SUMF1: variants seen among roughly 807,000 people sequenced by gnomAD.
SUMF1 encodes formylglycine-generating enzyme.
A neutral mutation model predicts 47.6 loss-of-function variants in SUMF1; 48 were observed. The observed-to-expected ratio is 1.01, with a 90% confidence interval of 0.80 to 1.28. The LOEUF (loss-of-function observed/expected upper bound fraction) is 1.28, where lower values mean the gene tolerates loss of function less well. Ranked by LOEUF, SUMF1 falls within the 50% of genes most tolerant of loss-of-function variation. SUMF1 has a pLI of 0.00. For synonymous variants in SUMF1, 230 were observed against 192.1 expected (o/e 1.20, Z -1.63); for missense variants, 571 against 485.4 (o/e 1.18, Z -1.66).
intron 9 of SUMF1, among the ~76,000 whole-genome samples, chr3:4,036,859 A>T (rs1042755612): frequency 5.4e-4 from 80 of 149,274 alleles, no homozygotes; most frequent in East Asian, 3.7e-3. Context: ...CAAAAAAAAA[A>T]AAAAAAAAAA....
At chr3:4,165,490 G>C (rs1367809719) in intron 8 of SUMF1, among the ~76,000 whole-genome samples, 1 of 152,086 alleles carries the variant, frequency 6.6e-6, no homozygotes, top group Non-Finnish European at 1.5e-5. Context: ...GGAAGGCTAG[G>C]ATATGGAGGT....
At chr3:4,297,463 G>A (rs167463) in intron 8 of SUMF1, among the ~76,000 whole-genome samples, 95,868 of 151,878 alleles carry the variant, frequency 0.63, 32,404 homozygotes, top group African/African-American at 0.89. Flanking sequence ...GCTGCAGTAC[G>A]GTGGCACAAT....
chr3:4,367,409 C>G (rs534692902), intron 8 of SUMF1, among the ~76,000 whole-genome samples: 2 of 152,290 alleles, frequency 1.3e-5, no homozygotes, highest in Admixed American at 6.5e-5. Context: ...GGTTATACTG[C>G]CCAAGGTAAT....
chr3:4,091,175 A>G (rs1385958979), intron 8 of SUMF1, among the ~76,000 whole-genome samples: 1 of 151,978 alleles, frequency 6.6e-6, no homozygotes, highest in Non-Finnish European at 1.5e-5. Flanking sequence ...AATATGCCAT[A>G]GAAACTTAAC....
At chr3:4,104,400 G>GA (rs1470570106) in intron 8 of SUMF1, among the ~76,000 whole-genome samples, 1 of 151,996 alleles carries the variant, frequency 6.6e-6, no homozygotes, top group African/African-American at 2.4e-5. Flanking sequence ...CCAGCAGCAT[G>GA]AAAACAGACT....
At chr3:4,157,513 CACAATA>C (rs1694482301) in intron 8 of SUMF1, among the ~76,000 whole-genome samples, 2 of 151,444 alleles carry the variant, frequency 1.3e-5, no homozygotes, top group African/African-American at 2.4e-5. Context: ...AGTTTTATAT[CACAATA>C]TTTTACCCTC....
At chr3:4,075,087 A>G (rs1288403451) in intron 8 of SUMF1, among the ~76,000 whole-genome samples, 1 of 152,154 alleles carries the variant, frequency 6.6e-6, no homozygotes, top group Non-Finnish European at 1.5e-5. Flanking sequence ...ATCAATGTGA[A>G]AATCCTCAAT....
At chr3:4,328,437 C>A (rs1698988084) in intron 8 of SUMF1, among the ~76,000 whole-genome samples, 1 of 152,114 alleles carries the variant, frequency 6.6e-6, no homozygotes, top group South Asian at 2.1e-4. Flanking sequence ...CACAGTTCCA[C>A]ATGGCTGGGG....
intron 8 of SUMF1, among the ~76,000 whole-genome samples, chr3:4,371,313 T>A (rs1334283248): frequency 6.6e-6 from 1 of 152,176 alleles, no homozygotes; most frequent in Non-Finnish European, 1.5e-5. Flanking sequence ...GATGGCTAAT[T>A]ACTGTGTGAA....
At chr3:4,040,236 G>T (rs1158934834) in intron 9 of SUMF1, among the ~76,000 whole-genome samples, 4 of 152,022 alleles carry the variant, frequency 2.6e-5, no homozygotes. Flanking sequence ...AATAAAGCTT[G>T]GGAAAATAAA....
At chr3:4,192,802 T>A (rs1168655552) in intron 8 of SUMF1, among the ~76,000 whole-genome samples, 2 of 152,112 alleles carry the variant, frequency 1.3e-5, no homozygotes, top group African/African-American at 2.4e-5. Context: ...TAATTAATCA[T>A]GCCTTTGTAA....
At chr3:4,095,528 A>T (rs778417563) in intron 8 of SUMF1, among the ~76,000 whole-genome samples, 3 of 152,154 alleles carry the variant, frequency 2.0e-5, no homozygotes, top group Non-Finnish European at 2.9e-5. Flanking sequence ...AGCATTGTTC[A>T]AGGAGAAACA....
intron 8 of SUMF1, among the ~76,000 whole-genome samples, chr3:4,283,574 T>C (rs1203934505): frequency 3.9e-5 from 6 of 152,232 alleles, no homozygotes; most frequent in Non-Finnish European, 8.8e-5. Flanking sequence ...GATCAGTGCA[T>C]GCCTTATTTT....
intron 8 of SUMF1, among the ~76,000 whole-genome samples, chr3:4,322,944 A>G (rs1448515924): frequency 6.6e-6 from 1 of 152,226 alleles, no homozygotes; most frequent in East Asian, 1.9e-4. Context: ...AAATGTTCAT[A>G]TAGCATTATT....
intron 8 of SUMF1, among the ~76,000 whole-genome samples, chr3:4,150,287 C>G (rs1324447749): frequency 6.8e-6 from 1 of 147,674 alleles, no homozygotes; most frequent in Admixed American, 6.6e-5. Context: ...GTAGGCCAGG[C>G]TCAGTGGCTC....
chr3:4,128,668 A>G (rs1693715202), intron 8 of SUMF1, among the ~76,000 whole-genome samples: 1 of 152,162 alleles, frequency 6.6e-6, no homozygotes, highest in Admixed American at 6.5e-5. Context: ...GGTGTGCTAC[A>G]CTCAAAAAGA....
chr3:4,091,266 A>G (rs1429201540), intron 8 of SUMF1, among the ~76,000 whole-genome samples: 1 of 152,110 alleles, frequency 6.6e-6, no homozygotes, highest in Non-Finnish European at 1.5e-5. Context: ...CTTTAAGTGA[A>G]GACTTACTGT....
intron 8 of SUMF1, among the ~76,000 whole-genome samples, chr3:4,211,849 T>C (rs1695803171): frequency 6.6e-6 from 1 of 152,018 alleles, no homozygotes; most frequent in Non-Finnish European, 1.5e-5. Context: ...CCCACTGCAG[T>C]TCAGCAAGGC....
At chr3:4,464,524 A>G (rs1383201144) in intron 1 of SUMF1, among the ~76,000 whole-genome samples, 1 of 152,206 alleles carries the variant, frequency 6.6e-6, no homozygotes, top group Non-Finnish European at 1.5e-5. Flanking sequence ...TGAATCTTAC[A>G]TAACAAGTGT....
Sources: gnomAD v4.1 joint callset for allele counts (sites outside exome capture counted in the v4.1 genomes callset) on GRCh38, gnomAD v4.1.1 for gene constraint, MANE v1.5 for transcripts, NCBI Gene and HGNC (gene_info 2026-07-23, HGNC 2026-07-21) for gene names.